Variants in AXIN1 observed in about 807,000 individuals in gnomAD.
AXIN1 encodes the protein axin-1.
In AXIN1, 30 loss-of-function variants were observed where a neutral mutation model predicts 76.4. That is an observed-to-expected ratio of 0.39 (90% CI 0.29 to 0.53). The LOEUF (loss-of-function observed/expected upper bound fraction) is 0.53. Among genes scored for constraint, AXIN1 ranks in the 20% least tolerant of loss-of-function variants. AXIN1 has a pLI of 0.66. For synonymous variants in AXIN1, 545 were observed against 501.4 expected (o/e 1.09, Z -1.16); for missense variants, 1,140 against 1,198.8 (o/e 0.95, Z 0.72).
intron 3 of AXIN1, 84 bp from the exon 4 acceptor site, chr16:310,153 G>A (rs984248086): frequency 1.1e-4 from 139 of 1,310,182 alleles, no homozygotes; most frequent in Non-Finnish European, 1.4e-4. Context: ...GGCCCCGACC[G>A]CCGGTCAGCA....
intron 1 of AXIN1, among the ~76,000 whole-genome samples, chr16:348,092 C>T (rs937794836): frequency 2.6e-5 from 4 of 152,236 alleles, no homozygotes; most frequent in Non-Finnish European, 4.4e-5. Context: ...GCTGCTGCTA[C>T]AAGCCTGCAA....
In AXIN1 at chr16:333,638, C is replaced by T. The variant is rs537385319; in HGVS notation, c.878+12510G>A. Among the ~76,000 whole-genome samples the T allele has an allele frequency of 1.1e-3, 169 of 152,120 alleles. 1 individual carries two copies. Among genetic ancestry groups the T allele is most frequent in the African/African-American group, 4.1e-3 (168 of 41,432 alleles). ...CCGTATGAAGAGAATGGAGCCAGGT[C>T]TTTCCAGGGCAGCTCAGAAAAACAG... is the stretch of plus-strand genomic sequence containing the variant. On this transcript the variant is annotated intron_variant, in intron 2 of 10. Coordinates refer to ENST00000262320, the MANE Select transcript of AXIN1 (RefSeq NM_003502.4).
intron 9 of AXIN1, chr16:290,004 C>T (rs946412268): frequency 1.9e-4 from 62 of 326,030 alleles, no homozygotes; most frequent in South Asian, 1.7e-3. Flanking sequence ...GAACTGTGCA[C>T]GATTTCTGGA....
At chr16:337,965 G>A (rs551640915) in intron 2 of AXIN1, among the ~76,000 whole-genome samples, 30 of 152,318 alleles carry the variant, frequency 2.0e-4, no homozygotes, top group African/African-American at 7.0e-4. Flanking sequence ...GAGCTAATGG[G>A]TTCTGAGAGA....
At chr16:301,080 C>T (rs926933025) in intron 5 of AXIN1, among the ~76,000 whole-genome samples, 1 of 151,904 alleles carries the variant, frequency 6.6e-6, no homozygotes, top group Non-Finnish European at 1.5e-5. Context: ...ACCATCCTGG[C>T]TAACATGGTG....
chr16:289,697 G>A (rs1038566391), intron 9 of AXIN1, 90 bp from the exon 10 acceptor site: 19 of 1,542,206 alleles, frequency 1.2e-5, no homozygotes, highest in African/African-American at 2.7e-5. Context: ...AGTGTAAGGC[G>A]GGGCAGGCCT....
rs1004011923 is a variant in AXIN1 at position 323,103 on chromosome 16, G to T, written c.879-8420C>A. Among the ~76,000 whole-genome samples the T allele has an allele frequency of 6.6e-5, 10 of 152,266 alleles. 1 individual carries two copies. The South Asian group carries it at 2.1e-3, about 32-fold the overall frequency. The stretch of plus-strand genomic sequence containing the variant: ...AGGAGTTCGAGACCAGCCTAGGCAA[G>T]AGGTCAAGACCCTGTCTTGAAAGAA... On this transcript the variant is annotated intron_variant, in intron 2 of 10. Coordinates refer to ENST00000262320, the MANE Select transcript of AXIN1 (RefSeq NM_003502.4).
At chr16:297,549 G>C (rs1207575521) in intron 6 of AXIN1, among the ~76,000 whole-genome samples, 173 bp downstream of exon 6, 2 of 152,192 alleles carry the variant, frequency 1.3e-5, no homozygotes, top group Non-Finnish European at 2.9e-5. Context: ...TCCCACCTGA[G>C]GTCACGGCGT....
At position 298,172 on chromosome 16, in the gene AXIN1, T is replaced by C. The variant is rs1329388684; in HGVS notation, c.1334A>G (p.His445Arg). ...GTCCACACAGCGGGGCGGGAAGTGG[T>C]GCCAAGCGGGGGCGGGAGGCAGCTT... ...CHKLPPAPAWHHFPPRCVDMG... is the reference protein window; with the variant it reads ...CHKLPPAPAWRHFPPRCVDMG... Residue 445 changes from histidine (H) to arginine (R), a missense_variant, in exon 6 of 11, where the codon CAC (histidine) becomes CGC (arginine). Physicochemically the swap from His to Arg is conservative, Grantham distance 29. Coordinates refer to ENST00000262320, the MANE Select transcript of AXIN1 (RefSeq NM_003502.4). 3 of 1,542,932 alleles carry C rather than the reference T, an allele frequency of 1.9e-6. No homozygotes were observed. The highest frequency in any genetic ancestry group is 1.7e-6 in the Non-Finnish European group (2 of 1,147,456).
intron 9 of AXIN1, 65 bp downstream of exon 9, chr16:291,125 G>A (rs2052545488): frequency 4.8e-6 from 7 of 1,473,604 alleles, no homozygotes; most frequent in South Asian, 3.6e-5. Context: ...CTCTACGATG[G>A]GACCTGGCTT....
chr16:346,945 A>G lies in AXIN1; in HGVS notation c.81T>C (p.Gly27=). ...TEDAPRPPVP[G]EEGELVSTDP... ...CTGTGGACACCAGTTCTCCCTCCTC[A>G]CCAGGCACTGGGGGTCGGGGAGCAT... The change falls in exon 2 of 11, where the codon GGT becomes GGC. Residue 27 remains glycine, a synonymous_variant. Transcript: ENST00000262320. 6.2e-7 allele frequency: 1 copy of G among 1,614,180 alleles called. No homozygotes were observed. Among genetic ancestry groups the G allele is most frequent in the Non-Finnish European group, 8.5e-7 (1 of 1,180,026 alleles).
rs1209447597 is a variant in AXIN1 at position 293,729 on chromosome 16, A to G, written c.1956-11T>C. ...CTCGTCCCCGAAGACCTTGGGGAAC[A>G]AGAGAACAAGTTGTGACTGTGGCCG... On this transcript the variant is annotated splice_polypyrimidine_tract_variant and intron_variant, in intron 7 of 10. Coordinates refer to ENST00000262320, the MANE Select transcript of AXIN1 (RefSeq NM_003502.4). The surrounding 1 kb of genome is among the most constrained non-coding windows in gnomAD (Gnocchi z 4.6). 8 of 1,612,598 alleles carry G rather than the reference A, an allele frequency of 5.0e-6. No homozygotes were observed. The highest frequency in any genetic ancestry group is 6.8e-6 in the Non-Finnish European group (8 of 1,179,582).
chr16:296,161 A>G (rs2052706384), intron 7 of AXIN1, among the ~76,000 whole-genome samples: 1 of 152,234 alleles, frequency 6.6e-6, no homozygotes, highest in Admixed American at 6.5e-5. Context: ...CAGAAAAACG[A>G]TGAGCCCGTC....
rs1028033335 is a variant in AXIN1 at position 313,553 on chromosome 16, C to T, written c.1019+990G>A. Among the ~76,000 whole-genome samples, 14 of 152,372 alleles carry T rather than the reference C, an allele frequency of 9.2e-5. No individual in the cohort carries two copies. The South Asian group carries it at 1.7e-3, about 18-fold the overall frequency. On this transcript the variant is annotated intron_variant, in intron 3 of 10. Transcript: ENST00000262320. Reference sequence around the variant, plus strand: ...CTCACAAGTTCATAGCCGCTGGCTTCCTCCAATGCTGAGGCTGCTGCAGGG... The same window carrying T: ...CTCACAAGTTCATAGCCGCTGGCTTTCTCCAATGCTGAGGCTGCTGCAGGG...
intron 10 of AXIN1, among the ~76,000 whole-genome samples, chr16:288,920 T>G (rs1161726150): frequency 6.6e-6 from 1 of 152,170 alleles, no homozygotes; most frequent in East Asian, 1.9e-4. Flanking sequence ...CTGGCCTCTG[T>G]TTTCCCACCC....
rs10673343 is a variant in AXIN1 at position 323,776 on chromosome 16, C to CCACACACACACACA, written c.879-9107_879-9094dup. 6.8e-4 allele frequency among the ~76,000 whole-genome samples: 101 copies of CCACACACACACACA among 148,392 alleles called. 1 individual carries two copies. The highest frequency in any genetic ancestry group is 2.3e-3 in the African/African-American group (94 of 40,244). ...GCCTGGGCAACAGAGTGAGACTCCA[C>CCACACACACACACA]CACACACACACACACACACACACAC... On this transcript the variant is annotated intron_variant, in intron 2 of 10. Coordinates refer to ENST00000262320, the MANE Select transcript of AXIN1 (RefSeq NM_003502.4).
intron 2 of AXIN1, among the ~76,000 whole-genome samples, chr16:319,341 G>A (rs79169797): frequency 1.9e-3 from 287 of 152,246 alleles, no homozygotes; most frequent in African/African-American, 6.6e-3. Flanking sequence ...CAAAAATGTC[G>A]TGGAGAGGAG....
chr16:328,186 G>A (rs2053620446), intron 2 of AXIN1, among the ~76,000 whole-genome samples: 1 of 152,190 alleles, frequency 6.6e-6, no homozygotes, highest in Admixed American at 6.5e-5. Context: ...GAGTCCTGGA[G>A]TTCAAGACCA....
intron 2 of AXIN1, among the ~76,000 whole-genome samples, chr16:338,748 C>A (rs554330336): frequency 6.6e-6 from 1 of 152,224 alleles, no homozygotes; most frequent in Admixed American, 6.5e-5. Flanking sequence ...CATGGCGAAA[C>A]CTTGTCTCTA....
Sources: allele counts gnomAD v4.1 joint callset (sites outside exome capture counted in the v4.1 genomes callset), GRCh38; gene constraint gnomAD v4.1.1; non-coding constraint Gnocchi (gnomAD v3.1); transcripts MANE v1.5; gene names NCBI Gene and HGNC (gene_info 2026-07-23, HGNC 2026-07-21).